GPR19: variants seen among roughly 807,000 people sequenced by gnomAD.
The protein encoded by GPR19 is G protein-coupled receptor 19.
A neutral mutation model predicts 28.5 loss-of-function variants in GPR19; 14 were observed. The observed-to-expected ratio is 0.49, with a 90% CI of 0.32 to 0.77. The LOEUF is 0.77. Ranked by LOEUF, GPR19 falls within the 30% of genes least tolerant of loss-of-function variation. The probability of loss-of-function intolerance (pLI) is 0.03; values close to 1 mark genes in which losing one functional copy is unlikely to be tolerated. For missense variants in GPR19, 409 were observed against 504.1 expected (o/e 0.81, Z 1.81); for synonymous variants, 173 against 184.1 (o/e 0.94, Z 0.49).
the GPR19 span, among the ~76,000 whole-genome samples, chr12:12,702,962 C>T: frequency 5.3e-5 from 8 of 152,130 alleles, no homozygotes; most frequent in South Asian, 2.1e-4. Flanking sequence ...GAGAATCTAC[C>T]GTTTAGGCAA....
intron 3 of GPR19, among the ~76,000 whole-genome samples, chr12:12,679,622 C>T (rs1334062074): frequency 4.7e-5 from 7 of 148,184 alleles, no homozygotes; most frequent in Admixed American, 2.0e-4. Context: ...CTACTGCACT[C>T]GAGGTTGGGT....
chr12:12,666,292 C>T (rs1945777651), intron 3 of GPR19, among the ~76,000 whole-genome samples: 2 of 152,144 alleles, frequency 1.3e-5, no homozygotes, highest in African/African-American at 4.8e-5. Flanking sequence ...GGCAGAAATG[C>T]GGTCAGACAG....
In GPR19 at chr12:12,680,456, A is replaced by C. The variant is rs140794692; in HGVS notation, c.-23+3895T>G. 5.2e-4 allele frequency among the ~76,000 whole-genome samples: 79 copies of C among 152,322 alleles called. No homozygotes were observed. In the East Asian group the frequency reaches 7.7e-3, roughly 15 times the overall value. ...GCTTTAAAGGTTTGGCCAAGGGAAA[A>C]TGACTCCACAAACAGGGAAACATAT... On this transcript the variant is annotated intron_variant, in intron 3 of 3. Transcript: ENST00000651487.
At chr12:12,708,526 T>C in the GPR19 span, among the ~76,000 whole-genome samples, 8 of 152,330 alleles carry the variant, frequency 5.3e-5, no homozygotes, top group East Asian at 1.5e-3. Context: ...CTTAGTGATA[T>C]AATTGCAAAC....
the GPR19 span, among the ~76,000 whole-genome samples, chr12:12,709,588 T>G: frequency 1.2e-4 from 18 of 152,212 alleles, no homozygotes; most frequent in African/African-American, 4.1e-4. Context: ...CACAGGCACA[T>G]GCCACCACAC....
chr12:12,669,358 C>T (rs1399345412), intron 3 of GPR19, among the ~76,000 whole-genome samples: 1 of 151,950 alleles, frequency 6.6e-6, no homozygotes, highest in Non-Finnish European at 1.5e-5. Flanking sequence ...TTCTAGACTT[C>T]AATTTGAATT....
rs374728905 is a variant in GPR19 at position 12,688,149 on chromosome 12, G to A, written c.-179-3642C>T. On this transcript the variant is annotated intron_variant, in intron 2 of 3. Coordinates refer to ENST00000651487, the MANE Select transcript of GPR19 (RefSeq NM_006143.3). ...GATTACTTATAAAGTGCAAAGGGATGTGTGTCCTTTTTCAGTGAAGAGAGT... is the reference window on the plus strand; with the variant it reads ...GATTACTTATAAAGTGCAAAGGGATATGTGTCCTTTTTCAGTGAAGAGAGT... Among the ~76,000 whole-genome samples, 60 of 152,308 alleles carry A rather than the reference G, an allele frequency of 3.9e-4. 2 individuals are homozygous for A. The East Asian group carries it at 8.5e-3, about 22-fold the overall frequency.
At chr12:12,679,143 G>A (rs1017428764) in intron 3 of GPR19, among the ~76,000 whole-genome samples, 3 of 152,126 alleles carry the variant, frequency 2.0e-5, no homozygotes, top group African/African-American at 7.2e-5. Context: ...TATGGTGGCT[G>A]AGAGCACAGG....
chr12:12,689,908 C>T (rs974283288), intron 2 of GPR19, among the ~76,000 whole-genome samples: 1 of 152,196 alleles, frequency 6.6e-6, no homozygotes, highest in Non-Finnish European at 1.5e-5. Context: ...ACCGAGGCTT[C>T]TCACCAACCA....
chr12:12,688,181 G>A (rs557683402), intron 2 of GPR19, among the ~76,000 whole-genome samples: 1 of 152,110 alleles, frequency 6.6e-6, no homozygotes, highest in Non-Finnish European at 1.5e-5. Context: ...GAGTGGGAGG[G>A]GGGGTCATCA....
At position 12,684,389 on chromosome 12, in the gene GPR19, T is replaced by A. The variant is rs1185215920; in HGVS notation, c.-61A>T. On this transcript the variant is annotated 5_prime_UTR_variant, in exon 3 of 4. Transcript: ENST00000651487. ...TGATTTCAGAGACGTTCTCTTTAGA[T>A]CTTCTTGGTCAGGAATAGCCCTTGC... 6.6e-6 allele frequency: 1 copy of A among 152,196 alleles called. No homozygotes were observed. The highest frequency in any genetic ancestry group is 3.2e-3 in the Middle Eastern group (1 of 316). The allele number at this position is 152,196 out of a possible 1,614,324, so 9.4% of individuals were successfully genotyped here. A position where few individuals can be genotyped will look rare whatever the true frequency, so the allele number is the denominator to read the frequency against.
In GPR19 at chr12:12,669,913, T is replaced by C. The variant is rs1945833644; in HGVS notation, c.-22-7443A>G. 3.3e-5 allele frequency among the ~76,000 whole-genome samples: 5 copies of C among 152,196 alleles called. No individual in the cohort carries two copies. The South Asian group carries it at 1.0e-3, about 32-fold the overall frequency. Reference sequence around the variant, plus strand: ...TGTATGTGTGCTTGTGTGTGTTTTATAGAGATGAGGTCTTGCTATGTTGTC... The same window carrying C: ...TGTATGTGTGCTTGTGTGTGTTTTACAGAGATGAGGTCTTGCTATGTTGTC... On this transcript the variant is annotated intron_variant, in intron 3 of 3. Coordinates refer to ENST00000651487, the MANE Select transcript of GPR19 (RefSeq NM_006143.3).
upstream of GPR19, among the ~76,000 whole-genome samples, chr12:12,697,176 A>AAAAAAAAAAAAAAAAAC (rs1565413598): frequency 1.3e-5 from 2 of 149,932 alleles, no homozygotes; most frequent in African/African-American, 2.5e-5. Flanking sequence ...AAAAAAAAAA[A>AAAAAAAAAAAAAAAAAC]AGCAGCCATG....
the GPR19 span, among the ~76,000 whole-genome samples, chr12:12,708,707 G>A: frequency 6.6e-6 from 1 of 152,210 alleles, no homozygotes; most frequent in Admixed American, 6.5e-5. Context: ...CCTCACAATT[G>A]TGGTCTTATG....
intron 3 of GPR19, among the ~76,000 whole-genome samples, chr12:12,675,186 GT>G (rs533896745): frequency 1.3e-5 from 2 of 152,120 alleles, no homozygotes; most frequent in Admixed American, 6.6e-5. Context: ...CAATTCAGAG[GT>G]TTTTTTATAG....
At chr12:12,672,824 A>T (rs1180661445) in intron 3 of GPR19, among the ~76,000 whole-genome samples, 1 of 152,198 alleles carries the variant, frequency 6.6e-6, no homozygotes, top group Non-Finnish European at 1.5e-5. Context: ...CTTCAATCAT[A>T]ACATTTATCC....
chr12:12,662,318 C>T lies in GPR19; in HGVS notation c.131G>A (p.Ser44Asn). 1 of 1,614,238 alleles carries T rather than the reference C, an allele frequency of 6.2e-7. No homozygotes were observed. Among genetic ancestry groups the T allele is most frequent in the Non-Finnish European group, 8.5e-7 (1 of 1,180,050 alleles). ...PLPSQYLMEL[S>N]EEHSWMSNQT... ...GTTGCTCATCCAACTGTGCTCCTCA[C>T]TTAATTCCATCAGGTATTGGCTTGG... The change falls in exon 4 of 4, where the codon AGT becomes AAT. Residue 44 changes from serine to asparagine, a missense_variant. Ser to Asn is a conservative substitution (Grantham distance 46, BLOSUM62 1). Transcript: ENST00000651487.
At chr12:12,711,561 T>C in the GPR19 span, among the ~76,000 whole-genome samples, 3 of 152,236 alleles carry the variant, frequency 2.0e-5, no homozygotes, top group African/African-American at 4.8e-5. Context: ...CCACACCTAA[T>C]TGCAAAGGAG....
chr12:12,697,153 T>TAAAAAACAAAAA (rs1946277547), upstream of GPR19, among the ~76,000 whole-genome samples: 1 of 48,846 alleles, frequency 2.0e-5, no homozygotes, highest in Non-Finnish European at 3.6e-5. Context: ...TGAAGCGAAG[T>TAAAAAACAAAAA]AAAAAAAAAA....
Sources: allele counts gnomAD v4.1 joint callset (sites outside exome capture counted in the v4.1 genomes callset), GRCh38; gene constraint gnomAD v4.1.1; transcripts MANE v1.5; gene names NCBI Gene and HGNC (gene_info 2026-07-23, HGNC 2026-07-21).